The following SEMA5A variants were observed in gnomAD, a reference collection of about 807,000 sequenced individuals.
The protein encoded by SEMA5A is semaphorin 5A.
SEMA5A carries 55 observed loss-of-function variants against 135.5 expected under a neutral mutation model. That is an observed-to-expected ratio of 0.41 (90% CI 0.33 to 0.51). The LOEUF (loss-of-function observed/expected upper bound fraction) is 0.51, where lower values mean the gene tolerates loss of function less well. Ranked by LOEUF, SEMA5A falls within the 20% of genes least tolerant of loss-of-function variation. The pLI is 0.37. For synonymous variants in SEMA5A, 580 were observed against 546.5 expected, an observed-to-expected ratio of 1.06 and a Z score of -0.85; for missense variants, 1,290 against 1,419.9, an observed-to-expected ratio of 0.91 and a Z score of 1.47.
chr5:9,039,563 C>T lies in SEMA5A; in HGVS notation c.*3334G>A, dbSNP rs1207105504. ...TATGAATGGTAACTCTAGTGAGAGC[C>T]TACTTGAACAGGCTTAGGGAACCAT... On this transcript the variant is annotated 3_prime_UTR_variant, in exon 23 of 23. Coordinates refer to ENST00000382496, the MANE Select transcript of SEMA5A (RefSeq NM_003966.3). 1.3e-5 allele frequency: 2 copies of T among 152,296 alleles called. No individual in the cohort carries two copies. The highest frequency in any genetic ancestry group is 2.4e-5 in the African/African-American group (1 of 41,560). 9.4% of individuals were successfully genotyped at this position (152,296 alleles called of 1,614,324 possible). A position where few individuals can be genotyped will look rare whatever the true frequency, so the allele number is the denominator to read the frequency against.
chr5:9,250,089 G>T (rs1748694115), intron 5 of SEMA5A, among the ~76,000 whole-genome samples: 1 of 152,164 alleles, frequency 6.6e-6, no homozygotes, highest in Non-Finnish European at 1.5e-5. Flanking sequence ...ACTTCTCTGT[G>T]GGTATAAGAC....
In SEMA5A at chr5:9,204,721, G is replaced by A. The variant is rs1428281178; in HGVS notation, c.647-2481C>T. On this transcript the variant is annotated intron_variant, in intron 8 of 22. Transcript: ENST00000382496. This position sits in a 1 kb window ranked among gnomAD's most constrained non-coding sequence, Gnocchi z 6.4. ...AAGTCCTGAATCCATTAGACCGGGG[G>A]TCACCAACCCCCAGGACATGGACCA... Among the ~76,000 whole-genome samples the A allele has an allele frequency of 1.3e-5, 2 of 152,238 alleles. No homozygotes were observed. The highest frequency in any genetic ancestry group is 1.9e-4 in the East Asian group (1 of 5,158).
intron 11 of SEMA5A, among the ~76,000 whole-genome samples, chr5:9,177,229 C>A (rs577631260): frequency 3.2e-4 from 49 of 152,228 alleles, no homozygotes; most frequent in Non-Finnish European, 1.6e-4. Flanking sequence ...AAAACTGGGG[C>A]AGTTATAGGC....
At chr5:9,266,637 CAATGA>C (rs1239070864) in intron 5 of SEMA5A, among the ~76,000 whole-genome samples, 1 of 152,150 alleles carries the variant, frequency 6.6e-6, no homozygotes, top group Non-Finnish European at 1.5e-5. Context: ...AAGATTATAG[CAATGA>C]AATAATTATA....
At chr5:9,058,439 A>G (rs945270827) in intron 18 of SEMA5A, among the ~76,000 whole-genome samples, 5 of 152,224 alleles carry the variant, frequency 3.3e-5, no homozygotes, top group African/African-American at 9.6e-5. Context: ...AGTTAGCTCA[A>G]GAAATACTGG....
chr5:9,358,116 C>T (rs1754532979), intron 3 of SEMA5A, among the ~76,000 whole-genome samples: 2 of 152,126 alleles, frequency 1.3e-5, no homozygotes, highest in African/African-American at 4.8e-5. Context: ...GTCCCCACTG[C>T]TTTTTGTTTG....
At chr5:9,474,256 A>G (rs1759586907) in intron 1 of SEMA5A, among the ~76,000 whole-genome samples, 1 of 152,032 alleles carries the variant, frequency 6.6e-6, no homozygotes, top group Admixed American at 6.6e-5. Context: ...ACTCCCGTAC[A>G]CCCAGCTGAG....
intron 5 of SEMA5A, among the ~76,000 whole-genome samples, chr5:9,275,268 C>G (rs1398107102): frequency 6.6e-6 from 1 of 151,446 alleles, no homozygotes; most frequent in Non-Finnish European, 1.5e-5. Flanking sequence ...TACACCCTCC[C>G]AAGACTAAAC....
intron 1 of SEMA5A, among the ~76,000 whole-genome samples, chr5:9,480,121 A>G (rs1296415377): frequency 2.0e-5 from 3 of 152,112 alleles, no homozygotes; most frequent in Non-Finnish European, 2.9e-5. Flanking sequence ...GCCTCTGCAC[A>G]TTCGACACGA....
chr5:9,405,090 C>T (rs1756822294), intron 2 of SEMA5A, among the ~76,000 whole-genome samples: 2 of 152,070 alleles, frequency 1.3e-5, no homozygotes, highest in South Asian at 4.2e-4. Context: ...AACAACAAGC[C>T]CAAACAGCTA....
intron 16 of SEMA5A, among the ~76,000 whole-genome samples, chr5:9,092,144 C>T (rs550830056): frequency 2.0e-5 from 3 of 152,270 alleles, no homozygotes; most frequent in South Asian, 4.1e-4. Context: ...GCATCCTGAG[C>T]GATGCCTCAT....
At chr5:9,129,881 G>C (rs767878104) in intron 13 of SEMA5A, among the ~76,000 whole-genome samples, 9 of 152,116 alleles carry the variant, frequency 5.9e-5, no homozygotes, top group Non-Finnish European at 1.3e-4. Context: ...TAAGTAAGTT[G>C]CTCAAAGTCA....
At chr5:9,318,669 G>C (rs1752495153) in intron 4 of SEMA5A, among the ~76,000 whole-genome samples, 1 of 152,170 alleles carries the variant, frequency 6.6e-6, no homozygotes, top group African/African-American at 2.4e-5. Flanking sequence ...CTTACGGTAA[G>C]TGTAAGTCAT....
chr5:9,233,995 T>C (rs1747774306), intron 6 of SEMA5A, among the ~76,000 whole-genome samples: 1 of 152,210 alleles, frequency 6.6e-6, no homozygotes. Context: ...ATTATTCTTT[T>C]TATTTCAGGG....
chr5:9,195,447 T>C (rs542891921), intron 10 of SEMA5A, among the ~76,000 whole-genome samples: 1 of 152,358 alleles, frequency 6.6e-6, no homozygotes, highest in South Asian at 2.1e-4. Flanking sequence ...ACTGTGATTA[T>C]AGGCATGAGC....
chr5:9,172,327 T>C (rs984430945), intron 11 of SEMA5A, among the ~76,000 whole-genome samples: 6 of 152,236 alleles, frequency 3.9e-5, no homozygotes, highest in African/African-American at 1.2e-4. Flanking sequence ...CTTGTGACGA[T>C]TGCCATTTAA....
rs756717024 is a variant in SEMA5A, at chr5:9,122,639, T to C, written c.1781+17A>G. ...TTAATACACAGCAGCACAACTGGCG[T>C]GTTCTGAGCGGCACACCTGGAACAG... On this transcript the variant is annotated intron_variant, in intron 14 of 22. Coordinates refer to ENST00000382496, the MANE Select transcript of SEMA5A (RefSeq NM_003966.3). 1.3e-6 allele frequency: 2 copies of C among 1,551,920 alleles called. No homozygotes were observed.
At chr5:9,461,839 A>G (rs1759068140) in intron 1 of SEMA5A, among the ~76,000 whole-genome samples, 1 of 152,240 alleles carries the variant, frequency 6.6e-6, no homozygotes, top group Admixed American at 6.5e-5. Flanking sequence ...GTTTGCACAT[A>G]TGTATGAACG....
intron 3 of SEMA5A, among the ~76,000 whole-genome samples, chr5:9,362,683 C>A (rs1754749717): frequency 6.6e-6 from 1 of 152,152 alleles, no homozygotes; most frequent in African/African-American, 2.4e-5. Context: ...CCCGAGTGAA[C>A]ACAGTTAATG....
Sources: gnomAD v4.1 joint callset for allele counts (sites outside exome capture counted in the v4.1 genomes callset) on GRCh38, gnomAD v4.1.1 for gene constraint, Gnocchi (gnomAD v3.1) non-coding constraint, MANE v1.5 for transcripts, NCBI Gene and HGNC (gene_info 2026-07-23, HGNC 2026-07-21) for gene names.